The following ADAMTS7 variants were observed in gnomAD, a reference collection of about 807,000 sequenced individuals.
ADAMTS7 encodes the protein A disintegrin and metalloproteinase with thrombospondin motifs 7.
In ADAMTS7, 89 loss-of-function variants were observed where a neutral mutation model predicts 172.6. The observed-to-expected ratio is 0.52, with a 90% CI of 0.43 to 0.61. The LOEUF (loss-of-function observed/expected upper bound fraction) is 0.61, where lower values mean the gene tolerates loss of function less well. Among genes scored for constraint, ADAMTS7 ranks in the 20% least tolerant of loss-of-function variants. ADAMTS7 has a pLI of 0.00. For synonymous variants in ADAMTS7, 885 were observed against 978.4 expected (o/e 0.90, Z 1.78); for missense variants, 1,973 against 2,355.6 (o/e 0.84, Z 3.36).
rs747448197 is a variant in ADAMTS7 at position 78,777,439 on chromosome 15, C to T, written c.1467+5G>A. 6.2e-7 allele frequency: 1 copy of T among 1,611,802 alleles called. No homozygotes were observed. The highest frequency in any genetic ancestry group is 8.5e-7 in the Non-Finnish European group (1 of 1,179,282). ...CACCCCCACACCCACACCGGCCCCA[C>T]TCACATCCATGTCCTCGCAGAAGGC... On this transcript the variant is annotated splice_donor_5th_base_variant and intron_variant, in intron 9 of 23. Coordinates refer to ENST00000388820, the MANE Select transcript of ADAMTS7 (RefSeq NM_014272.5).
intron 1 of ADAMTS7, among the ~76,000 whole-genome samples, chr15:78,801,083 C>CTAT (rs1438847096): frequency 1.3e-5 from 2 of 152,204 alleles, no homozygotes; most frequent in African/African-American, 4.8e-5. Flanking sequence ...TCTGTTTTCA[C>CTAT]TATTGCCTAC....
At chr15:78,772,686 A>G (rs1242153339) in intron 14 of ADAMTS7, among the ~76,000 whole-genome samples, 1 of 152,236 alleles carries the variant, frequency 6.6e-6, no homozygotes, top group African/African-American at 2.4e-5. Context: ...GTCCCCCTCC[A>G]GGACTAAGCG....
At chr15:78,769,949 G>A (rs1440067958) in intron 16 of ADAMTS7, among the ~76,000 whole-genome samples, 2 of 152,206 alleles carry the variant, frequency 1.3e-5, no homozygotes, top group African/African-American at 2.4e-5. Context: ...ATCACCTGAG[G>A]TCAGGAGTTC....
At chr15:78,808,504 G>A (rs898813237) in intron 1 of ADAMTS7, among the ~76,000 whole-genome samples, 1 of 152,164 alleles carries the variant, frequency 6.6e-6, no homozygotes, top group Admixed American at 6.5e-5. Context: ...CCAAAGTGCT[G>A]GGATTACAAG....
chr15:78,787,972 C>T (rs1343273625), intron 8 of ADAMTS7, among the ~76,000 whole-genome samples: 1 of 152,178 alleles, frequency 6.6e-6, no homozygotes, highest in Non-Finnish European at 1.5e-5. Flanking sequence ...CTTGCTCCTC[C>T]TCCAAGTTCA....
At chr15:78,809,133 C>T (rs2141532465) in intron 1 of ADAMTS7, among the ~76,000 whole-genome samples, 1 of 152,242 alleles carries the variant, frequency 6.6e-6, no homozygotes, top group South Asian at 2.1e-4. Flanking sequence ...TCACATGTGC[C>T]ATACGGCATG....
intron 8 of ADAMTS7, among the ~76,000 whole-genome samples, chr15:78,780,055 T>C (rs967235329): frequency 3.4e-5 from 5 of 145,620 alleles, no homozygotes; most frequent in African/African-American, 1.3e-4. Flanking sequence ...GGCCTTCACG[T>C]CCTCATCTAC....
chr15:78,777,156 T>C (rs1206551166), intron 9 of ADAMTS7: 5 of 568,132 alleles, frequency 8.8e-6, no homozygotes, highest in East Asian at 2.9e-5. Context: ...ACAGACCCTC[T>C]CCACAGGGGT....
In ADAMTS7 at chr15:78,786,732, G is replaced by A. The variant is rs11072806; in HGVS notation, c.1322+1499C>T. ...AAACCAGTTGAGATAATTTTATTCT[G>A]TTTCATCCTCTGGTAAATATGAGCT... On this transcript the variant is annotated intron_variant, in intron 8 of 23. Coordinates refer to ENST00000388820, the MANE Select transcript of ADAMTS7 (RefSeq NM_014272.5). Among the ~76,000 whole-genome samples the A allele has an allele frequency of 0.32, 48,634 of 152,062 alleles. 8,920 individuals carry two copies. The highest frequency in any genetic ancestry group is 0.43 in the Non-Finnish European group (29,343 of 67,964).
chr15:78,791,068 C>T (rs981050974), intron 5 of ADAMTS7, 72 bp downstream of exon 5: 18 of 1,519,570 alleles, frequency 1.2e-5, no homozygotes, highest in Non-Finnish European at 1.4e-5. Context: ...AAGAGCAGCA[C>T]AGGTCATGCG....
At chr15:78,776,160 C>G (rs1424438071) in intron 11 of ADAMTS7, 28 bp downstream of exon 11, 1 of 1,593,936 alleles carries the variant, frequency 6.3e-7, no homozygotes, top group African/African-American at 1.3e-5. Flanking sequence ...GTCCCACTGC[C>G]CAAGGGCACC....
At chr15:78,788,066 A>C (rs2055530063) in intron 8 of ADAMTS7, among the ~76,000 whole-genome samples, 165 bp downstream of exon 8, 1 of 152,120 alleles carries the variant, frequency 6.6e-6, no homozygotes. Flanking sequence ...CTGGCCCTGC[A>C]GTGTGACTGT....
chr15:78,760,766 C>T (rs1260041330), intron 23 of ADAMTS7, among the ~76,000 whole-genome samples: 1 of 152,186 alleles, frequency 6.6e-6, no homozygotes, highest in Non-Finnish European at 1.5e-5. Flanking sequence ...AGCCCCCCTC[C>T]ACTGTTCACT....
intron 1 of ADAMTS7, among the ~76,000 whole-genome samples, chr15:78,806,878 T>G (rs1451006984): frequency 6.6e-6 from 1 of 152,224 alleles, no homozygotes; most frequent in East Asian, 1.9e-4. Context: ...GCAATTCTCC[T>G]GCCTCAGCCT....
intron 22 of ADAMTS7, among the ~76,000 whole-genome samples, chr15:78,763,135 T>C (rs1050968809): frequency 2.3e-4 from 35 of 152,170 alleles, no homozygotes; most frequent in African/African-American, 7.7e-4. Context: ...CCTAAGCTGT[T>C]CCAGTTTTAC....
intron 8 of ADAMTS7, among the ~76,000 whole-genome samples, chr15:78,784,133 C>T (rs548693396): frequency 6.6e-5 from 10 of 151,986 alleles, no homozygotes; most frequent in Admixed American, 1.3e-4. Context: ...CTTTGGGAAG[C>T]TGAGGGAGGA....
chr15:78,810,061 C>T (rs1345657518), intron 1 of ADAMTS7, among the ~76,000 whole-genome samples: 1 of 152,238 alleles, frequency 6.6e-6, no homozygotes, highest in Admixed American at 6.5e-5. Flanking sequence ...CCATCCTTCC[C>T]GCCCAGACTA....
At chr15:78,767,352 G>C in intron 18 of ADAMTS7, 27 bp downstream of exon 18, 2 of 1,609,388 alleles carry the variant, frequency 1.2e-6, no homozygotes, top group Non-Finnish European at 1.7e-6. Context: ...GGAGCTGGAG[G>C]CGGGCCCCTT....
rs2055405266 is a variant in ADAMTS7, at chr15:78,779,866, C to T, written c.1323-2278G>A. Among the ~76,000 whole-genome samples the T allele has an allele frequency of 2.6e-5, 4 of 151,272 alleles. No individual in the cohort carries two copies. The South Asian group carries it at 8.4e-4, about 32-fold the overall frequency. Reference sequence around the variant, plus strand: ...CGCTGCACATGTGGCTCCTGCGGGCCTGCTGTTGGGCAGCTGAAGCCACAA... The same window carrying T: ...CGCTGCACATGTGGCTCCTGCGGGCTTGCTGTTGGGCAGCTGAAGCCACAA... On this transcript the variant is annotated intron_variant, in intron 8 of 23. Transcript: ENST00000388820.
Sources: allele counts gnomAD v4.1 joint callset (sites outside exome capture counted in the v4.1 genomes callset), GRCh38; gene constraint gnomAD v4.1.1; transcripts MANE v1.5; gene names NCBI Gene and HGNC (gene_info 2026-07-23, HGNC 2026-07-21).